Variants in BCAS3 observed in about 807,000 individuals in gnomAD.
BCAS3 encodes BCAS4/BCAS3 fusion.
Under a neutral mutation model 116.1 loss-of-function variants are expected in BCAS3, and 53 were observed. That is an observed-to-expected ratio of 0.46 (90% confidence interval 0.37 to 0.57). The LOEUF (loss-of-function observed/expected upper bound fraction) is 0.57, where lower values mean the gene tolerates loss of function less well. Among genes scored for constraint, BCAS3 ranks in the 20% least tolerant of loss-of-function variants. The pLI is 0.00. For synonymous variants in BCAS3, 391 were observed against 408.2 expected (o/e 0.96, Z 0.51); for missense variants, 917 against 1,165.4 (o/e 0.79, Z 3.10).
At chr17:61,218,198 G>A (rs562561095) in intron 22 of BCAS3, among the ~76,000 whole-genome samples, 2 of 152,180 alleles carry the variant, frequency 1.3e-5, no homozygotes, top group Non-Finnish European at 1.5e-5. Context: ...TCAGTCTGAA[G>A]TCCCCTCTCT....
chr17:61,342,836 G>A (rs908004452), intron 22 of BCAS3, among the ~76,000 whole-genome samples: 8 of 147,788 alleles, frequency 5.4e-5, no homozygotes, highest in East Asian at 4.0e-4. Flanking sequence ...TGTAACCCCC[G>A]CCTCCTGGGT....
At chr17:60,874,784 T>G in intron 9 of BCAS3, 46 bp downstream of exon 9, 1 of 1,216,344 alleles carries the variant, frequency 8.2e-7, no homozygotes, top group Non-Finnish European at 1.2e-6. Context: ...GGGTTTATAC[T>G]ACTTACTTGA....
intron 22 of BCAS3, among the ~76,000 whole-genome samples, chr17:61,143,638 G>A (rs1341928061): frequency 2.0e-5 from 3 of 151,934 alleles, no homozygotes; most frequent in Admixed American, 1.3e-4. Flanking sequence ...GCGAGACCCC[G>A]CCTCTACTAA....
intron 19 of BCAS3, among the ~76,000 whole-genome samples, chr17:61,059,208 G>A (rs1600852090): frequency 1.3e-5 from 2 of 149,938 alleles, no homozygotes; most frequent in Admixed American, 6.7e-5. Context: ...TCAGCTTCCC[G>A]AGTAGCTGGG....
chr17:61,018,208 T>C (rs2065601680), intron 16 of BCAS3, among the ~76,000 whole-genome samples: 2 of 152,158 alleles, frequency 1.3e-5, no homozygotes, highest in South Asian at 4.1e-4. Flanking sequence ...TACTAGGTTT[T>C]AATTTATTTG....
At chr17:60,870,625 A>C (rs2055018670) in intron 8 of BCAS3, among the ~76,000 whole-genome samples, 1 of 152,210 alleles carries the variant, frequency 6.6e-6, no homozygotes, top group Admixed American at 6.5e-5. Context: ...CCCCCAATAA[A>C]ACAGTAATTT....
At chr17:61,067,273 G>GTGTATATATA (rs1251223420) in intron 19 of BCAS3, among the ~76,000 whole-genome samples, 20 of 58,794 alleles carry the variant, frequency 3.4e-4, no homozygotes, top group East Asian at 3.1e-3. Flanking sequence ...GTGTGTATGT[G>GTGTATATATA]TATATATATA....
At chr17:61,269,992 A>G (rs946482133) in intron 22 of BCAS3, among the ~76,000 whole-genome samples, 1 of 149,510 alleles carries the variant, frequency 6.7e-6, no homozygotes, top group Non-Finnish European at 1.5e-5. Context: ...TTTGGTAGAG[A>G]CGGGTTTTTG....
intron 22 of BCAS3, among the ~76,000 whole-genome samples, chr17:61,284,583 A>T (rs2144678790): frequency 6.6e-6 from 1 of 152,018 alleles, no homozygotes; most frequent in African/African-American, 2.4e-5. Flanking sequence ...CAATCTGAAG[A>T]CTTGTTCACC....
chr17:60,935,841 C>G (rs79779027), intron 13 of BCAS3, among the ~76,000 whole-genome samples: 2,522 of 151,774 alleles, frequency 0.017, 71 homozygotes, highest in African/African-American at 0.058. Context: ...CCCATTTAGC[C>G]AAGCTGAGAC....
rs999512676 is a variant in BCAS3 at position 60,956,829 on chromosome 17, T to G, written c.1221+9477T>G. ...GGTTCTACAGAAAATTATTTTGAAC[T>G]GATATATAAAATTTAACACCAGTCG... On this transcript the variant is annotated intron_variant, in intron 14 of 23. Transcript: ENST00000407086. This position sits in a 1 kb window ranked among gnomAD's most constrained non-coding sequence, Gnocchi z 4.2. Among the ~76,000 whole-genome samples, 1 of 152,198 alleles carries G rather than the reference T, an allele frequency of 6.6e-6. No homozygotes were observed. The highest frequency in any genetic ancestry group is 1.5e-5 in the Non-Finnish European group (1 of 68,008).
In BCAS3 at chr17:61,388,742, G is replaced by T. The variant is rs774100014; in HGVS notation, c.2594-3235G>T. ...ACACGTTTCCATTTGCCGCTTGCTCGTAGGGCTGGGCGGCCGGGATGACTT... is the reference window on the plus strand; with the variant it reads ...ACACGTTTCCATTTGCCGCTTGCTCTTAGGGCTGGGCGGCCGGGATGACTT... On this transcript the variant is annotated intron_variant, in intron 23 of 23. Transcript: ENST00000407086. The surrounding 1 kb of genome is among the most constrained non-coding windows in gnomAD (Gnocchi z 6.5). The T allele has an allele frequency of 1.3e-6, 2 of 1,528,348 alleles. No homozygotes were observed. The highest frequency in any genetic ancestry group is 2.0e-5 in the Admixed American group (1 of 50,528). The allele number at this position is 1,528,348 out of a possible 1,614,324, so 94.7% of individuals were successfully genotyped here.
intron 6 of BCAS3, among the ~76,000 whole-genome samples, chr17:60,790,816 T>C (rs997128948): frequency 4.1e-5 from 6 of 146,532 alleles, no homozygotes; most frequent in African/African-American, 1.5e-4. Context: ...TGATCTCAGC[T>C]CACTGCAGCC....
At chr17:61,234,692 C>T (rs921997628) in intron 22 of BCAS3, among the ~76,000 whole-genome samples, 6 of 150,996 alleles carry the variant, frequency 4.0e-5, no homozygotes, top group African/African-American at 7.3e-5. Flanking sequence ...TATAGCTAGT[C>T]ATTCCTGCCT....
intron 19 of BCAS3, among the ~76,000 whole-genome samples, chr17:61,072,007 C>A (rs1314055038): frequency 1.3e-5 from 2 of 151,974 alleles, no homozygotes; most frequent in Non-Finnish European, 2.9e-5. Flanking sequence ...ATTATCCCAC[C>A]AGATTTATTT....
At chr17:60,829,698 A>G (rs2050748396) in intron 7 of BCAS3, among the ~76,000 whole-genome samples, 1 of 152,108 alleles carries the variant, frequency 6.6e-6, no homozygotes, top group Admixed American at 6.5e-5. Flanking sequence ...TGTTCTCACT[A>G]TCTTCTTCTA....
At chr17:60,932,939 C>T (rs1018330816) in intron 13 of BCAS3, among the ~76,000 whole-genome samples, 1 of 151,852 alleles carries the variant, frequency 6.6e-6, no homozygotes, top group Non-Finnish European at 1.5e-5. Flanking sequence ...CTTTGGGAGG[C>T]CGAGGAGGGC....
At chr17:61,360,563 A>G (rs2058400228) in intron 22 of BCAS3, among the ~76,000 whole-genome samples, 2 of 152,126 alleles carry the variant, frequency 1.3e-5, no homozygotes, top group African/African-American at 4.8e-5. Context: ...TCCTGGCATT[A>G]CTTGGCTTAG....
In BCAS3 at chr17:61,203,346, CAG is replaced by C. The variant is rs973483724; in HGVS notation, c.2425+118783_2425+118784del. 2.6e-5 allele frequency among the ~76,000 whole-genome samples: 4 copies of C among 152,054 alleles called. No individual in the cohort carries two copies. The highest frequency in any genetic ancestry group is 4.4e-5 in the Non-Finnish European group (3 of 68,004). ...CTAATTTTTGTATTATTAGTAGAAA[CAG>C]GGTTTCGCCATGTTGGTCAGGCTGG... On this transcript the variant is annotated intron_variant, in intron 22 of 23. Coordinates refer to ENST00000407086, the MANE Select transcript of BCAS3 (RefSeq NM_017679.5). This position sits in a 1 kb window ranked among gnomAD's most constrained non-coding sequence, Gnocchi z 5.7.
Sources: gnomAD v4.1 joint callset for allele counts (sites outside exome capture counted in the v4.1 genomes callset) on GRCh38, gnomAD v4.1.1 for gene constraint, Gnocchi (gnomAD v3.1) non-coding constraint, MANE v1.5 for transcripts, NCBI Gene and HGNC (gene_info 2026-07-23, HGNC 2026-07-21) for gene names.